PIK3CA: variants seen among roughly 807,000 people sequenced by gnomAD.
PIK3CA encodes the protein phosphatidylinositol-4,5-bisphosphate 3-kinase catalytic subunit alpha.
PIK3CA carries 27 observed loss-of-function variants against 138.2 expected under a neutral mutation model. The ratio of observed to expected loss-of-function variants is 0.20; its 90% CI spans 0.14 to 0.27. The LOEUF (loss-of-function observed/expected upper bound fraction) is 0.27. Among genes scored for constraint, PIK3CA ranks in the 10% least tolerant of loss-of-function variants. The pLI is 1.00. For missense variants in PIK3CA, 544 were observed against 1,277.4 expected (o/e 0.43, Z 8.75); for synonymous variants, 358 against 413.2 (o/e 0.87, Z 1.62).
chr3:179,214,699 G>C (rs115361845), intron 9 of PIK3CA, among the ~76,000 whole-genome samples: 2 of 152,114 alleles, frequency 1.3e-5, no homozygotes, highest in Admixed American at 1.3e-4. Flanking sequence ...CCTTCAGTTT[G>C]TTGGAAATGC....
At chr3:179,158,472 T>G (rs554939038) in intron 1 of PIK3CA, among the ~76,000 whole-genome samples, 10 of 152,260 alleles carry the variant, frequency 6.6e-5, no homozygotes, top group African/African-American at 2.2e-4. Flanking sequence ...TTTGTGCTGT[T>G]AGATACTTCC....
Position 179,235,546 on chromosome 3 carries a change from C to G in PIK3CA, c.*1182C>G, listed in dbSNP as rs2108431496. 5.0e-6 allele frequency: 1 copy of G among 198,566 alleles called. No homozygotes were observed. The highest frequency in any genetic ancestry group is 1.9e-4 in the South Asian group (1 of 5,220). The allele number at this position is 198,566 out of a possible 1,614,324, so 12.3% of individuals were successfully genotyped here. ...TTCCTTTTATTTCTTATGTGAATCT[C>G]CCGTCTTCCATTCTCTTTTATAATT... is the stretch of plus-strand genomic sequence containing the variant. On this transcript the variant is annotated 3_prime_UTR_variant, in exon 21 of 21. Transcript: ENST00000263967.
chr3:179,167,185 A>G (rs1361023619), intron 1 of PIK3CA, among the ~76,000 whole-genome samples: 1 of 152,142 alleles, frequency 6.6e-6, no homozygotes, highest in Non-Finnish European at 1.5e-5. Flanking sequence ...AAATATACAC[A>G]TACCTTAGTA....
Position 179,203,535 on chromosome 3 carries a change from C to T in PIK3CA, c.814-9C>T, listed in dbSNP as rs753738741. ...ACAGGAAATGGCTCGCCCCCTTAAT[C>T]TCTTACAGTATATAAGAAGCTGTAT... On this transcript the variant is annotated splice_polypyrimidine_tract_variant and intron_variant, in intron 4 of 20. Coordinates refer to ENST00000263967, the MANE Select transcript of PIK3CA (RefSeq NM_006218.4). 9 of 1,605,546 alleles carry T rather than the reference C, an allele frequency of 5.6e-6. No homozygotes were observed. The highest frequency in any genetic ancestry group is 7.7e-6 in the Non-Finnish European group (9 of 1,176,184).
chr3:179,175,555 TG>T (rs977687203), intron 1 of PIK3CA, among the ~76,000 whole-genome samples: 22 of 152,202 alleles, frequency 1.4e-4, no homozygotes, highest in African/African-American at 5.1e-4. Flanking sequence ...CCCTCTCCTT[TG>T]TTTTCATTAT....
At chr3:179,156,111 CTAAGA>C (rs1339230431) in intron 1 of PIK3CA, among the ~76,000 whole-genome samples, 4 of 152,138 alleles carry the variant, frequency 2.6e-5, no homozygotes, top group Non-Finnish European at 5.9e-5. Flanking sequence ...TTTTCAGAAG[CTAAGA>C]TCATTTTGTC....
In PIK3CA at chr3:179,240,074, A is replaced by T. The variant is rs939060436; in HGVS notation, c.*5710A>T. ...AGTCTGTAACATCACGCTGTTTATTAAAAAAAAAAAGAAAAATTACTTTTT... is the reference window on the plus strand; with the variant it reads ...AGTCTGTAACATCACGCTGTTTATTTAAAAAAAAAAGAAAAATTACTTTTT... On this transcript the variant is annotated 3_prime_UTR_variant, in exon 21 of 21. Coordinates refer to ENST00000263967, the MANE Select transcript of PIK3CA (RefSeq NM_006218.4). 2.5e-4 allele frequency: 212 copies of T among 840,102 alleles called. No homozygotes were observed. Among genetic ancestry groups the T allele is most frequent in the Admixed American group, 5.1e-4 (14 of 27,428 alleles). The allele number at this position is 840,102 out of a possible 1,614,324, so 52.0% of individuals were successfully genotyped here.
chr3:179,220,398 T>C lies in PIK3CA; in HGVS notation c.2015+346T>C, dbSNP rs531662904. On this transcript the variant is annotated intron_variant, in intron 13 of 20. Coordinates refer to ENST00000263967, the MANE Select transcript of PIK3CA (RefSeq NM_006218.4). This position sits in a 1 kb window ranked among gnomAD's most constrained non-coding sequence, Gnocchi z 4.1. ...CAAACAAAGAAAAAAATGTTTTACCTTGAAATTCAGAACAATGTCAAACTC... is the reference window on the plus strand; with the variant it reads ...CAAACAAAGAAAAAAATGTTTTACCCTGAAATTCAGAACAATGTCAAACTC... 2.3e-4 allele frequency among the ~76,000 whole-genome samples: 35 copies of C among 152,304 alleles called. No homozygotes were observed. The highest frequency in any genetic ancestry group is 8.2e-4 in the African/African-American group (34 of 41,582).
Position 179,162,179 on chromosome 3 carries a change from G to A in PIK3CA, c.-77+13576G>A, listed in dbSNP as rs542630936. On this transcript the variant is annotated intron_variant, in intron 1 of 20. Transcript: ENST00000263967. ...TATATATGCAATGTATGCAATACAT[G>A]TATTTAAAAGTGTGAATTTATGTGT... Among the ~76,000 whole-genome samples the A allele has an allele frequency of 2.6e-5, 4 of 152,184 alleles. No homozygotes were observed. In the South Asian group the frequency reaches 6.2e-4, roughly 24 times the overall value.
At chr3:179,207,615 G>A (rs1292083619) in intron 6 of PIK3CA, among the ~76,000 whole-genome samples, 8 of 149,918 alleles carry the variant, frequency 5.3e-5, no homozygotes, top group East Asian at 2.0e-4. Context: ...GCACAAACTC[G>A]ACTCACTGCA....
intron 1 of PIK3CA, among the ~76,000 whole-genome samples, chr3:179,157,007 T>G (rs1323529124): frequency 6.6e-6 from 1 of 152,180 alleles, no homozygotes; most frequent in Non-Finnish European, 1.5e-5. Flanking sequence ...GAATATAGAT[T>G]TATGGAGTAT....
chr3:179,185,969 AC>A (rs1298199378), intron 1 of PIK3CA, among the ~76,000 whole-genome samples: 39 of 152,328 alleles, frequency 2.6e-4, no homozygotes, highest in African/African-American at 9.4e-4. Context: ...GATCAGCTTA[AC>A]CTTCAGCCCC....
intron 17 of PIK3CA, among the ~76,000 whole-genome samples, chr3:179,227,766 T>TA (rs1273036930): frequency 6.6e-6 from 1 of 152,078 alleles, no homozygotes; most frequent in Non-Finnish European, 1.5e-5. Flanking sequence ...TTTGGATACT[T>TA]ACGTGTCAAT....
At chr3:179,207,442 T>C (rs1339077739) in intron 6 of PIK3CA, among the ~76,000 whole-genome samples, 1 of 152,168 alleles carries the variant, frequency 6.6e-6, no homozygotes, top group Non-Finnish European at 1.5e-5. Flanking sequence ...AGGACATAGC[T>C]CTCTTAGAGT....
rs779258306 is a variant in PIK3CA, at chr3:179,204,457, G to T, written c.1060-46G>T. The T allele has an allele frequency of 1.0e-5, 9 of 867,684 alleles. No individual in the cohort carries two copies. The African/African-American group carries it at 1.3e-4, about 13-fold the overall frequency. The allele number at this position is 867,684 out of a possible 1,614,324, so 53.7% of individuals were successfully genotyped here. ...GAGTCTATCGAGTGTGTGCATATGT[G>T]TATGTTGAGTGTATACATTAGTATA... is the stretch of plus-strand genomic sequence containing the variant. On this transcript the variant is annotated intron_variant, in intron 5 of 20. Coordinates refer to ENST00000263967, the MANE Select transcript of PIK3CA (RefSeq NM_006218.4).
chr3:179,199,958 T>C (rs2108388149), intron 3 of PIK3CA, 59 bp downstream of exon 3: 1 of 1,021,012 alleles, frequency 9.8e-7, no homozygotes, highest in South Asian at 1.5e-5. Flanking sequence ...TACCTGTGTC[T>C]ATATCTTTGT....
chr3:179,237,606 A>G lies in PIK3CA; in HGVS notation c.*3242A>G, dbSNP rs536737576. The stretch of plus-strand genomic sequence containing the variant: ...TTGGTGACTTTCACATAGGTAAAAC[A>G]CAGTCCATCTGTATTCTTTTTTCCA... On this transcript the variant is annotated 3_prime_UTR_variant, in exon 21 of 21. Transcript: ENST00000263967. The G allele has an allele frequency of 2.9e-5, 6 of 207,838 alleles. No individual in the cohort carries two copies. The highest frequency in any genetic ancestry group is 4.9e-5 in the Non-Finnish European group (5 of 101,858). The allele number at this position is 207,838 out of a possible 1,614,324, so 12.9% of individuals were successfully genotyped here.
At chr3:179,197,036 T>A (rs1008628598) in intron 1 of PIK3CA, among the ~76,000 whole-genome samples, 6 of 152,040 alleles carry the variant, frequency 3.9e-5, no homozygotes, top group Admixed American at 1.3e-4. Flanking sequence ...CTCTTGCTTA[T>A]CTTTTTTTTT....
In PIK3CA at chr3:179,199,991, G is replaced by C. The variant is rs547146940; in HGVS notation, c.562+92G>C. The C allele has an allele frequency of 8.1e-5, 59 of 725,452 alleles. No individual in the cohort carries two copies. The African/African-American group carries it at 9.6e-4, about 12-fold the overall frequency. The allele number at this position is 725,452 out of a possible 1,614,324, so 44.9% of individuals were successfully genotyped here. On this transcript the variant is annotated intron_variant, in intron 3 of 20. Coordinates refer to ENST00000263967, the MANE Select transcript of PIK3CA (RefSeq NM_006218.4). ...TGTATAGTCTTTTTTTTTTTTTCCA[G>C]CTAGATAGTAAGCTTCTTGAAGGCA...
Sources: gnomAD v4.1 joint callset for allele counts (sites outside exome capture counted in the v4.1 genomes callset) on GRCh38, gnomAD v4.1.1 for gene constraint, Gnocchi (gnomAD v3.1) non-coding constraint, MANE v1.5 for transcripts, NCBI Gene and HGNC (gene_info 2026-07-23, HGNC 2026-07-21) for gene names.